Variants in PHIP observed in about 807,000 individuals in gnomAD.
PHIP encodes the protein PHIP subunit of CUL4-Ring ligase complex.
In PHIP, 54 loss-of-function variants were observed where a neutral mutation model predicts 236.8. The observed-to-expected ratio is 0.23, with a 90% CI of 0.18 to 0.29. The LOEUF is 0.29. PHIP is among the 10% of genes least tolerant of loss of function. The pLI is 1.00. For synonymous variants in PHIP, 756 were observed against 718.9 expected, an observed-to-expected ratio of 1.05 and a Z score of -0.83; for missense variants, 1,370 against 2,190.8, an observed-to-expected ratio of 0.63 and a Z score of 7.48.
At chr6:79,044,250 T>C (rs1332126044) in intron 6 of PHIP, among the ~76,000 whole-genome samples, 3 of 152,154 alleles carry the variant, frequency 2.0e-5, no homozygotes, top group Non-Finnish European at 2.9e-5. Context: ...AGTATTTCTC[T>C]TGCTGTTAGC....
chr6:78,995,870 C>A (rs183197851), intron 19 of PHIP, among the ~76,000 whole-genome samples: 3 of 152,110 alleles, frequency 2.0e-5, no homozygotes, highest in African/African-American at 7.2e-5. Flanking sequence ...TGGAGAGATT[C>A]TTAGGAAGAT....
chr6:79,074,057 T>C (rs1398991856), intron 4 of PHIP, among the ~76,000 whole-genome samples: 1 of 152,150 alleles, frequency 6.6e-6, no homozygotes, highest in East Asian at 1.9e-4. Context: ...TTGCCCAAGA[T>C]TACCTACAGT....
chr6:78,967,564 T>TA (rs1767224515), intron 27 of PHIP, among the ~76,000 whole-genome samples: 1 of 152,246 alleles, frequency 6.6e-6, no homozygotes, highest in South Asian at 2.1e-4. Context: ...ATTACTAATG[T>TA]AATTTTAAAT....
chr6:78,945,159 T>C (rs898504619), intron 39 of PHIP, 141 bp downstream of exon 39: 16 of 638,804 alleles, frequency 2.5e-5, no homozygotes, highest in African/African-American at 1.1e-4. Context: ...TAATAGCTCA[T>C]TGCAGTAAAT....
intron 4 of PHIP, 88 bp from the exon 5 acceptor site, chr6:79,060,906 G>A: frequency 9.4e-6 from 8 of 854,700 alleles, no homozygotes; most frequent in Admixed American, 8.4e-5. Flanking sequence ...ATTCATCCAA[G>A]TATAAAATAT....
At chr6:79,024,140 C>T (rs1422646847) in intron 9 of PHIP, among the ~76,000 whole-genome samples, 1 of 152,154 alleles carries the variant, frequency 6.6e-6, no homozygotes, top group African/African-American at 2.4e-5. Flanking sequence ...AGTTTTGTTA[C>T]TCGAGCTACC....
At chr6:78,995,944 G>A (rs1006359959) in intron 19 of PHIP, among the ~76,000 whole-genome samples, 5 of 152,204 alleles carry the variant, frequency 3.3e-5, no homozygotes, top group Non-Finnish European at 5.9e-5. Context: ...AAGAATATCT[G>A]TTAAAGTTAT....
At chr6:79,005,261 A>C (rs772865766) in intron 15 of PHIP, among the ~76,000 whole-genome samples, 6 of 152,032 alleles carry the variant, frequency 3.9e-5, no homozygotes, top group Non-Finnish European at 8.8e-5. Context: ...ATAGGAGAAG[A>C]AGGTAACTGA....
intron 22 of PHIP, among the ~76,000 whole-genome samples, chr6:78,983,558 G>GT (rs1231189225): frequency 2.6e-5 from 4 of 152,060 alleles, no homozygotes; most frequent in African/African-American, 9.7e-5. Context: ...TTAAGGGGAG[G>GT]TGGGAGTTCC....
intron 34 of PHIP, 30 bp downstream of exon 34, chr6:78,955,202 G>C (rs758824620): frequency 2.0e-6 from 3 of 1,484,634 alleles, no homozygotes; most frequent in Non-Finnish European, 2.8e-6. Context: ...TTCATATAAA[G>C]TACTTCTGCT....
At chr6:79,040,852 CA>C (rs1410210152) in intron 7 of PHIP, among the ~76,000 whole-genome samples, 3 of 151,400 alleles carry the variant, frequency 2.0e-5, no homozygotes, top group African/African-American at 4.9e-5. Context: ...CTGAATTTAG[CA>C]AAACAAATTC....
chr6:79,072,145 G>T (rs893804214), intron 4 of PHIP, among the ~76,000 whole-genome samples: 4 of 152,166 alleles, frequency 2.6e-5, no homozygotes, highest in African/African-American at 9.6e-5. Flanking sequence ...AAACTATTGT[G>T]ATGGTTGTAA....
intron 15 of PHIP, among the ~76,000 whole-genome samples, chr6:79,007,922 A>G (rs2127735928): frequency 1.3e-5 from 2 of 152,206 alleles, no homozygotes; most frequent in South Asian, 4.1e-4. Flanking sequence ...CTAGATACAA[A>G]AAAGACTCAG....
chr6:79,064,009 A>G (rs552904321), intron 4 of PHIP, among the ~76,000 whole-genome samples: 29 of 152,066 alleles, frequency 1.9e-4, no homozygotes, highest in Non-Finnish European at 2.9e-4. Context: ...CAGATGACCT[A>G]ACCTACTTTA....
intron 4 of PHIP, among the ~76,000 whole-genome samples, chr6:79,067,062 A>AT (rs1029989858): frequency 6.6e-6 from 1 of 151,758 alleles, no homozygotes; most frequent in Non-Finnish European, 1.5e-5. Flanking sequence ...TTTTTATTTT[A>AT]TTTTTTTAGA....
At chr6:78,955,481 G>A in intron 33 of PHIP, 132 bp downstream of exon 33, 1 of 453,590 alleles carries the variant, frequency 2.2e-6, no homozygotes, top group Non-Finnish European at 3.9e-6. Flanking sequence ...ACTGCCAGTT[G>A]TTTTTTTTTT....
chr6:79,042,405 G>A (rs1772268737), intron 7 of PHIP, among the ~76,000 whole-genome samples: 1 of 151,874 alleles, frequency 6.6e-6, no homozygotes, highest in African/African-American at 2.4e-5. Flanking sequence ...TATTTTAAGG[G>A]AAATTTCTCA....
intron 19 of PHIP, among the ~76,000 whole-genome samples, chr6:78,993,448 G>C (rs1217002922): frequency 6.6e-6 from 1 of 152,238 alleles, no homozygotes; most frequent in African/African-American, 2.4e-5. Flanking sequence ...TAAGGGCTTG[G>C]CTTCCAAGCT....
chr6:78,948,093 C>T (rs1773927445), intron 35 of PHIP, among the ~76,000 whole-genome samples: 2 of 152,082 alleles, frequency 1.3e-5, no homozygotes, highest in Admixed American at 1.3e-4. Context: ...GCTCTACAAC[C>T]GAAAGTTTGA....
Sources: allele counts gnomAD v4.1 joint callset (sites outside exome capture counted in the v4.1 genomes callset), GRCh38; gene constraint gnomAD v4.1.1; transcripts MANE v1.5; gene names NCBI Gene and HGNC (gene_info 2026-07-23, HGNC 2026-07-21).